Variants in SCIMP observed in about 807,000 individuals in gnomAD.
The protein encoded by SCIMP is SLP adaptor and CSK interacting membrane protein.
In SCIMP, 18 loss-of-function variants were observed where a neutral mutation model predicts 22.0. The observed-to-expected ratio is 0.82, with a 90% CI of 0.56 to 1.21. SCIMP has a LOEUF of 1.21. Among genes scored for constraint, SCIMP ranks in the 50% most tolerant of loss-of-function variants. The pLI, the probability that SCIMP is intolerant of heterozygous loss-of-function variation, is 0.00. For missense variants in SCIMP, 155 were observed against 171.2 expected (o/e 0.91, Z 0.53); for synonymous variants, 53 against 62.2 (o/e 0.85, Z 0.70).
Position 5,213,224 on chromosome 17 carries a change from G to A in SCIMP, c.283+1701C>T, listed in dbSNP as rs574269048. ...CTTATATCAGGCTATTGGGTGCGTC[G>A]GTACTTATGCTGCCCCCTTTTTGCT... On this transcript the variant is annotated intron_variant, in intron 4 of 4. Transcript: ENST00000574081. The A allele has an allele frequency of 2.9e-5, 29 of 984,088 alleles. No homozygotes were observed. In the Admixed American group the frequency reaches 6.9e-4, roughly 23 times the overall value. The allele number at this position is 984,088 out of a possible 1,614,324, so 61.0% of individuals were successfully genotyped here.
At chr17:5,221,117 T>C (rs1349905480) in intron 3 of SCIMP, 170 bp downstream of exon 3, 1 of 702,594 alleles carries the variant, frequency 1.4e-6, no homozygotes, top group Non-Finnish European at 2.6e-6. Context: ...GCATCGACAA[T>C]GTCCTGAGTC....
chr17:5,230,079 A>T (rs577545806), intron 1 of SCIMP, among the ~76,000 whole-genome samples: 21 of 151,226 alleles, frequency 1.4e-4, no homozygotes, highest in Non-Finnish European at 2.8e-4. Context: ...CCTCCGCCCC[A>T]GCCTCCCAAA....
intron 1 of SCIMP, 131 bp downstream of exon 1, chr17:5,234,604 G>A: frequency 2.2e-6 from 2 of 908,596 alleles, no homozygotes; most frequent in East Asian, 5.2e-5. Context: ...AGTCGTACCA[G>A]GGCCCCAGGC....
At chr17:5,215,687 C>G (rs1239093047) in intron 3 of SCIMP, among the ~76,000 whole-genome samples, 4 of 152,156 alleles carry the variant, frequency 2.6e-5, no homozygotes, top group African/African-American at 9.7e-5. Context: ...CACCTTGAGT[C>G]AGCATTTCCA....
At chr17:5,218,859 A>G (rs1048592922) in intron 3 of SCIMP, among the ~76,000 whole-genome samples, 3 of 152,158 alleles carry the variant, frequency 2.0e-5, no homozygotes, top group Non-Finnish European at 4.4e-5. Context: ...CCTGGCCTCA[A>G]GTGATACTCC....
chr17:5,219,927 G>A (rs1233544811), intron 3 of SCIMP, among the ~76,000 whole-genome samples: 3 of 152,146 alleles, frequency 2.0e-5, no homozygotes, highest in Admixed American at 6.6e-5. Context: ...GACTTCACTG[G>A]GAGAGGACAA....
Position 5,214,924 on chromosome 17 carries a change from C to G in SCIMP, c.283+1G>C. The stretch of plus-strand genomic sequence containing the variant: ...AACTGCTACCAGTAAAATATACTTA[C>G]AAGAGTCTTCTAGAGAAGGCCAATT... On this transcript the variant is annotated splice_donor_variant, in intron 4 of 4. Transcript: ENST00000574081. LOFTEE classifies it high-confidence loss of function. The G allele has an allele frequency of 6.8e-7, 1 of 1,476,394 alleles. No homozygotes were observed. Among genetic ancestry groups the G allele is most frequent in the Non-Finnish European group, 9.2e-7 (1 of 1,084,006 alleles). 91.5% of individuals were successfully genotyped at this position (1,476,394 alleles called of 1,614,324 possible).
At chr17:5,224,502 G>T (rs1045466511) in intron 1 of SCIMP, among the ~76,000 whole-genome samples, 1 of 144,832 alleles carries the variant, frequency 6.9e-6, no homozygotes, top group Admixed American at 7.0e-5. Flanking sequence ...TTGCTCTGTC[G>T]CCCAGGCTGG....
At chr17:5,220,906 A>C (rs1199856998) in intron 3 of SCIMP, 2 of 343,640 alleles carry the variant, frequency 5.8e-6, no homozygotes, top group Admixed American at 4.1e-5. Flanking sequence ...AAAAATACAA[A>C]AATTAGGCAG....
intron 1 of SCIMP, among the ~76,000 whole-genome samples, chr17:5,229,490 T>C (rs919148822): frequency 6.8e-6 from 1 of 147,528 alleles, no homozygotes; most frequent in African/African-American, 2.5e-5. Context: ...ATCTCCCCGG[T>C]TCAAGCAATT....
At chr17:5,223,484 G>A (rs1392041419) in intron 1 of SCIMP, 28 bp from the exon 2 acceptor site, 4 of 1,611,652 alleles carry the variant, frequency 2.5e-6, no homozygotes, top group Middle Eastern at 1.6e-4. Context: ...AGAAGAATGA[G>A]GTATGAATGA....
At chr17:5,221,644 G>T (rs1480951476) in intron 2 of SCIMP, among the ~76,000 whole-genome samples, 1 of 152,212 alleles carries the variant, frequency 6.6e-6, no homozygotes, top group African/African-American at 2.4e-5. Flanking sequence ...AAAGCAGTTT[G>T]TATCCTGTAG....
At chr17:5,232,369 CAGTGCAGTAT>C (rs990255186) in intron 1 of SCIMP, among the ~76,000 whole-genome samples, 10 of 148,438 alleles carry the variant, frequency 6.7e-5, no homozygotes, top group African/African-American at 2.2e-4. Flanking sequence ...GCAGTGTAAA[CAGTGCAGTAT>C]AAACAGTGCA....
Position 5,210,551 on chromosome 17 carries a change from C to G in SCIMP, c.*250G>C. On this transcript the variant is annotated 3_prime_UTR_variant, in exon 5 of 5. Coordinates refer to ENST00000574081, the MANE Select transcript of SCIMP (RefSeq NM_207103.3). ...CGTGGTCCTTCCCATGGAAAGTTTC[C>G]TCAACAGCACAAGGCTGACCCCTCT... 2.5e-6 allele frequency: 1 copy of G among 392,612 alleles called. No homozygotes were observed. Among genetic ancestry groups the G allele is most frequent in the African/African-American group, 2.1e-5 (1 of 48,336 alleles). 24.3% of individuals were successfully genotyped at this position (392,612 alleles called of 1,614,324 possible). A position where few individuals can be genotyped will look rare whatever the true frequency, so the allele number is the denominator to read the frequency against.
At chr17:5,218,179 C>A (rs1441915571) in intron 3 of SCIMP, among the ~76,000 whole-genome samples, 1 of 151,846 alleles carries the variant, frequency 6.6e-6, no homozygotes, top group Non-Finnish European at 1.5e-5. Flanking sequence ...GCAGACACCA[C>A]CACACCTGGC....
intron 4 of SCIMP, among the ~76,000 whole-genome samples, chr17:5,211,287 C>G (rs957351823): frequency 6.6e-5 from 10 of 152,152 alleles, no homozygotes; most frequent in African/African-American, 1.9e-4. Flanking sequence ...TCTGGGAGGC[C>G]CAGGTGGGAG....
intron 4 of SCIMP, among the ~76,000 whole-genome samples, chr17:5,212,221 A>G (rs1467126794): frequency 1.3e-5 from 2 of 152,138 alleles, no homozygotes; most frequent in Non-Finnish European, 2.9e-5. Flanking sequence ...TATTTGCAGA[A>G]CTCTGCAGTT....
At chr17:5,228,197 TA>T (rs1296337147) in intron 1 of SCIMP, among the ~76,000 whole-genome samples, 1 of 149,026 alleles carries the variant, frequency 6.7e-6, no homozygotes, top group Non-Finnish European at 1.5e-5. Flanking sequence ...AAATGAAAAA[TA>T]AGTTGGGCAT....
At chr17:5,220,352 G>C (rs1432392221) in intron 3 of SCIMP, among the ~76,000 whole-genome samples, 2 of 151,350 alleles carry the variant, frequency 1.3e-5, no homozygotes, top group Non-Finnish European at 2.9e-5. Flanking sequence ...AAGTTAAGGT[G>C]GGGGAATTGC....
Sources: allele counts gnomAD v4.1 joint callset (sites outside exome capture counted in the v4.1 genomes callset), GRCh38; gene constraint gnomAD v4.1.1; transcripts MANE v1.5; gene names NCBI Gene and HGNC (gene_info 2026-07-23, HGNC 2026-07-21).